ZC3H12B: variants seen among roughly 807,000 people sequenced by gnomAD.
The protein encoded by ZC3H12B is probable ribonuclease ZC3H12B.
A neutral mutation model predicts 43.9 loss-of-function variants in ZC3H12B; 7 were observed. That is an observed-to-expected ratio of 0.16 (90% CI 0.09 to 0.30). ZC3H12B has a LOEUF of 0.30. Ranked by LOEUF, ZC3H12B falls within the 10% of genes least tolerant of loss-of-function variation. The pLI is 1.00. For missense variants in ZC3H12B, 475 were observed against 670.2 expected (o/e 0.71, Z 3.22); for synonymous variants, 222 against 241.7 (o/e 0.92, Z 0.76).
intron 3 of ZC3H12B, chrX:65,469,247 G>T (rs950584476): frequency 2.1e-5 from 5 of 238,634 alleles, no homozygotes; most frequent in Admixed American, 6.0e-5. Context: ...GCAAGTCAAA[G>T]GTGCCACTCA....
chrX:65,223,274 A>T, the ZC3H12B span, among the ~76,000 whole-genome samples: 2 of 110,791 alleles, frequency 1.8e-5, no homozygotes, highest in African/African-American at 6.6e-5. Flanking sequence ...ACTGCACTCC[A>T]GCCTATGTGA....
At chrX:65,111,340 C>A in the ZC3H12B span, among the ~76,000 whole-genome samples, 4 of 110,981 alleles carry the variant, frequency 3.6e-5, no homozygotes, top group Non-Finnish European at 7.6e-5. Context: ...TTTTCACAAT[C>A]AAGTATAATG....
chrX:65,214,986 G>C, the ZC3H12B span, among the ~76,000 whole-genome samples: 5 of 111,501 alleles, frequency 4.5e-5, no homozygotes, highest in Admixed American at 9.6e-5. Context: ...GAGTGTCTAG[G>C]TGCATTGTCA....
chrX:65,239,645 T>A, the ZC3H12B span, among the ~76,000 whole-genome samples: 2 of 112,220 alleles, frequency 1.8e-5, no homozygotes, highest in African/African-American at 6.5e-5. Flanking sequence ...TTTTGCACAC[T>A]TGTTTATGTG....
At chrX:65,353,420 G>T in the ZC3H12B span, among the ~76,000 whole-genome samples, 1 of 111,393 alleles carries the variant, frequency 9.0e-6, no homozygotes, top group East Asian at 2.8e-4. Context: ...AGAGTCAGTC[G>T]CACGTCTCTA....
the ZC3H12B span, among the ~76,000 whole-genome samples, chrX:65,133,919 G>T: frequency 1.8e-5 from 2 of 111,036 alleles, no homozygotes; most frequent in Admixed American, 9.5e-5. Context: ...AGACCCATTT[G>T]CCCATTTTTT....
chrX:65,155,784 T>G, the ZC3H12B span, among the ~76,000 whole-genome samples: 2 of 110,696 alleles, frequency 1.8e-5, no homozygotes, highest in South Asian at 3.9e-4. Flanking sequence ...CACTTCAGCT[T>G]GGGAGTACTA....
At chrX:65,468,385 T>C (rs1245233920) in intron 3 of ZC3H12B, among the ~76,000 whole-genome samples, 1 of 111,667 alleles carries the variant, frequency 9.0e-6, no homozygotes, top group Non-Finnish European at 1.9e-5. Flanking sequence ...AGTCAGATAA[T>C]GTGATGCTTC....
At chrX:65,479,924 T>TG (rs1488893806) in intron 3 of ZC3H12B, among the ~76,000 whole-genome samples, 2 of 112,710 alleles carry the variant, frequency 1.8e-5, no homozygotes, top group Non-Finnish European at 3.7e-5. Context: ...ATTGATTACT[T>TG]GGGGTACACC....
At chrX:65,047,616 A>G in the ZC3H12B span, among the ~76,000 whole-genome samples, 1 of 111,016 alleles carries the variant, frequency 9.0e-6, no homozygotes, top group Non-Finnish European at 1.9e-5. Context: ...ATATTATATA[A>G]TGTCCCTCTT....
the ZC3H12B span, among the ~76,000 whole-genome samples, chrX:65,280,850 A>G: frequency 8.9e-6 from 1 of 112,088 alleles, no homozygotes; most frequent in African/African-American, 3.2e-5. Flanking sequence ...GACTACATGG[A>G]CAACTATAAA....
the ZC3H12B span, among the ~76,000 whole-genome samples, chrX:65,176,124 A>C: frequency 1.1e-4 from 12 of 112,238 alleles, no homozygotes; most frequent in African/African-American, 3.9e-4. Context: ...GAGCCCAGCA[A>C]GCTAAGATCC....
the ZC3H12B span, among the ~76,000 whole-genome samples, chrX:65,072,120 A>G: frequency 1.5e-4 from 17 of 111,836 alleles, no homozygotes; most frequent in African/African-American, 5.5e-4. Context: ...ACGTAATCTC[A>G]TATTTCTCAG....
the ZC3H12B span, among the ~76,000 whole-genome samples, chrX:65,238,830 T>C: frequency 8.9e-6 from 1 of 112,074 alleles, no homozygotes; most frequent in East Asian, 2.8e-4. Flanking sequence ...TCTGCCTTAA[T>C]TTCATTACTT....
the ZC3H12B span, among the ~76,000 whole-genome samples, chrX:65,213,150 A>G: frequency 1.8e-5 from 2 of 109,699 alleles, no homozygotes; most frequent in African/African-American, 6.6e-5. Flanking sequence ...TATAAAATTT[A>G]TATTAATGAT....
the ZC3H12B span, among the ~76,000 whole-genome samples, chrX:65,327,564 T>TA: frequency 7.2e-5 from 8 of 110,924 alleles, no homozygotes; most frequent in African/African-American, 2.6e-4. Flanking sequence ...TTATGCACCA[T>TA]AAAAAAAGAA....
chrX:65,506,735 T>G (rs1263693920), exon 5 of ZC3H12B: 3 of 111,365 alleles, frequency 2.7e-5, no homozygotes, highest in African/African-American at 9.8e-5. Context: ...TTCATTTTGA[T>G]CTAAAGGAGA....
intron 2 of ZC3H12B, among the ~76,000 whole-genome samples, chrX:65,374,022 G>GTATATATATATAACTATATATACAGTA (rs768767221): frequency 5.4e-5 from 2 of 36,894 alleles, no homozygotes; most frequent in Non-Finnish European, 8.9e-5. Flanking sequence ...TATATATACA[G>GTATATATATATAACTATATATACAGTA]TATATATATA....
chrX:65,165,938 C>T, the ZC3H12B span, among the ~76,000 whole-genome samples: 21 of 112,114 alleles, frequency 1.9e-4, no homozygotes, highest in Non-Finnish European at 3.4e-4. Context: ...TCTATTTCTC[C>T]ATATTCTTAC....
Sources: allele counts gnomAD v4.1 joint callset (sites outside exome capture counted in the v4.1 genomes callset), GRCh38; gene constraint gnomAD v4.1.1; transcripts MANE v1.5; gene names NCBI Gene and HGNC (gene_info 2026-07-23, HGNC 2026-07-21).